Variants in ITGB6 observed in about 807,000 individuals in gnomAD.
ITGB6 encodes integrin subunit beta 6.
In ITGB6, 80 loss-of-function variants were observed where a neutral mutation model predicts 84.5. The observed-to-expected ratio is 0.95, with a 90% CI of 0.79 to 1.14. The LOEUF (loss-of-function observed/expected upper bound fraction) is 1.14. ITGB6 is among the 50% of genes most tolerant of loss of function. The pLI is 0.00. For missense variants in ITGB6, 1,006 were observed against 968.0 expected, an observed-to-expected ratio of 1.04 and a Z score of -0.52; for synonymous variants, 383 against 354.9, an observed-to-expected ratio of 1.08 and a Z score of -0.89.
At chr2:160,160,289 A>G (rs1179128554) in intron 7 of ITGB6, among the ~76,000 whole-genome samples, 2 of 152,208 alleles carry the variant, frequency 1.3e-5, no homozygotes, top group Non-Finnish European at 2.9e-5. Flanking sequence ...TTTAGTGTAC[A>G]TGTGGTCCAA....
chr2:160,127,908 C>A (rs572254171), intron 10 of ITGB6, among the ~76,000 whole-genome samples: 1 of 152,286 alleles, frequency 6.6e-6, no homozygotes, highest in African/African-American at 2.4e-5. Flanking sequence ...AGAGCCTCAT[C>A]TATAAAACAG....
At chr2:160,106,953 G>A (rs961528925) in intron 14 of ITGB6, among the ~76,000 whole-genome samples, 2 of 152,136 alleles carry the variant, frequency 1.3e-5, no homozygotes, top group Non-Finnish European at 2.9e-5. Context: ...TAGAGATAGA[G>A]AGATGAAATT....
rs1159479045 is a variant in ITGB6, at chr2:160,107,819, T to C, written c.2128A>G (p.Met710Val). ...KDCPKPPNIPMIMLGVSLAIL... is the reference protein window; with the variant it reads ...KDCPKPPNIPVIMLGVSLAIL... Reference sequence around the variant, plus strand: ...GCCAGGGAAACCCCTAACATGATCATGGGAATGTTTGGAGGCTTCGGACAA... The same window carrying C: ...GCCAGGGAAACCCCTAACATGATCACGGGAATGTTTGGAGGCTTCGGACAA... The change falls in exon 14 of 15, where the codon ATG (methionine) becomes GTG (valine). Residue 710 changes from methionine to valine, a missense_variant. Physicochemically the swap from Met to Val is conservative, Grantham distance 21 (BLOSUM62 1). Transcript: ENST00000283249. The C allele has an allele frequency of 6.2e-6, 10 of 1,611,896 alleles. No homozygotes were observed. Among genetic ancestry groups the C allele is most frequent in the South Asian group, 2.2e-5 (2 of 90,784 alleles).
At chr2:160,142,162 A>G in intron 7 of ITGB6, 91 bp from the exon 8 acceptor site, 2 of 729,954 alleles carry the variant, frequency 2.7e-6, no homozygotes, top group South Asian at 3.6e-5. Context: ...GATTGCCTCT[A>G]TTTAACTGGC....
intron 4 of ITGB6, among the ~76,000 whole-genome samples, chr2:160,188,939 C>T (rs149238213): frequency 1.7e-3 from 254 of 152,142 alleles, no homozygotes; most frequent in Middle Eastern, 6.8e-3. Flanking sequence ...ATCACGCTAC[C>T]GGACTTCAAA....
intron 10 of ITGB6, among the ~76,000 whole-genome samples, chr2:160,132,981 T>C (rs928166383): frequency 2.0e-5 from 3 of 152,162 alleles, no homozygotes; most frequent in Admixed American, 6.6e-5. Flanking sequence ...TTAATAAATA[T>C]TTGTGGAATG....
At chr2:160,139,759 T>C (rs1683921688) in intron 8 of ITGB6, among the ~76,000 whole-genome samples, 1 of 152,222 alleles carries the variant, frequency 6.6e-6, no homozygotes, top group Non-Finnish European at 1.5e-5. Flanking sequence ...GCATCTCTTA[T>C]GAACCAGGAA....
chr2:160,170,985 A>G (rs1685178009), intron 6 of ITGB6, among the ~76,000 whole-genome samples: 1 of 152,188 alleles, frequency 6.6e-6, no homozygotes. Flanking sequence ...GGCTATCCTC[A>G]CTGATATTGT....
chr2:160,198,090 G>T (rs753419241), intron 2 of ITGB6, among the ~76,000 whole-genome samples: 4 of 152,144 alleles, frequency 2.6e-5, no homozygotes, highest in Non-Finnish European at 4.4e-5. Flanking sequence ...ATTTGTTGTT[G>T]TATCTCTCTG....
intron 8 of ITGB6, among the ~76,000 whole-genome samples, chr2:160,139,850 G>A (rs545554649): frequency 1.5e-4 from 23 of 152,164 alleles, no homozygotes; most frequent in African/African-American, 4.3e-4. Flanking sequence ...CTGATATTTC[G>A]GTAGCTTTTA....
At chr2:160,117,738 A>T (rs1682848652) in intron 12 of ITGB6, among the ~76,000 whole-genome samples, 1 of 152,290 alleles carries the variant, frequency 6.6e-6, no homozygotes, top group Admixed American at 6.5e-5. Flanking sequence ...TGGTTTTTTG[A>T]AAAGATCAAC....
In ITGB6 at chr2:160,137,691, T is replaced by A. The variant is rs1277804797; in HGVS notation, c.1403A>T (p.His468Leu). Reference protein sequence around the residue: ...KEVEVNSSKCHHGNGSFQCGV... With the variant: ...KEVEVNSSKCLHGNGSFQCGV... ...ACACTGGAAAGAGCCGTTCCCGTGG[T>A]GACATTTGGAGCTGTTCACTTCCAC... Residue 468 changes from histidine to leucine, a missense_variant, in exon 10 of 15, where the codon CAC becomes CTC. His to Leu is a moderately conservative substitution (Grantham distance 99). Coordinates refer to ENST00000283249, the MANE Select transcript of ITGB6 (RefSeq NM_000888.5). 6.2e-7 allele frequency: 1 copy of A among 1,614,178 alleles called. No individual in the cohort carries two copies. Among genetic ancestry groups the A allele is most frequent in the Non-Finnish European group, 8.5e-7 (1 of 1,180,022 alleles).
chr2:160,179,550 T>G (rs1685577901), intron 4 of ITGB6, among the ~76,000 whole-genome samples: 1 of 150,624 alleles, frequency 6.6e-6, no homozygotes, highest in Admixed American at 6.6e-5. Flanking sequence ...CCAGCTAATT[T>G]TTTTTTTTTT....
At chr2:160,121,726 C>T (rs891006670) in intron 12 of ITGB6, among the ~76,000 whole-genome samples, 2 of 151,136 alleles carry the variant, frequency 1.3e-5, no homozygotes, top group Admixed American at 6.6e-5. Flanking sequence ...CTTGATCACG[C>T]CACTACACTC....
At chr2:160,174,991 T>TA (rs1193814567) in intron 4 of ITGB6, among the ~76,000 whole-genome samples, 1 of 152,154 alleles carries the variant, frequency 6.6e-6, no homozygotes, top group East Asian at 1.9e-4. Flanking sequence ...ATGCTGGGGG[T>TA]AGGCTCACTG....
intron 7 of ITGB6, among the ~76,000 whole-genome samples, chr2:160,146,611 A>AT (rs990753977): frequency 6.6e-6 from 1 of 152,076 alleles, no homozygotes; most frequent in African/African-American, 2.4e-5. Flanking sequence ...CTTTCTAAGT[A>AT]TTTTTTGTCA....
intron 4 of ITGB6, among the ~76,000 whole-genome samples, chr2:160,191,555 C>T (rs1475685428): frequency 2.6e-5 from 4 of 152,118 alleles, no homozygotes; most frequent in East Asian, 3.8e-4. Context: ...AAACCACTAG[C>T]TAACAACATA....
intron 10 of ITGB6, among the ~76,000 whole-genome samples, chr2:160,134,454 A>G (rs1053715136): frequency 6.6e-6 from 1 of 152,254 alleles, no homozygotes; most frequent in Admixed American, 6.5e-5. Context: ...AGATGGATTC[A>G]CAGCCAAATT....
intron 10 of ITGB6, among the ~76,000 whole-genome samples, chr2:160,127,239 A>G (rs1683276744): frequency 6.6e-6 from 1 of 152,198 alleles, no homozygotes; most frequent in Non-Finnish European, 1.5e-5. Flanking sequence ...TTCCTGATCC[A>G]AGAGAGCATT....
Sources: allele counts gnomAD v4.1 joint callset (sites outside exome capture counted in the v4.1 genomes callset), GRCh38; gene constraint gnomAD v4.1.1; transcripts MANE v1.5; gene names NCBI Gene and HGNC (gene_info 2026-07-23, HGNC 2026-07-21).